Variants in LASP1 observed in about 807,000 individuals in gnomAD.
LASP1 encodes the protein LIM and SH3 domain protein 1.
In LASP1, 10 loss-of-function variants were observed where a neutral mutation model predicts 38.6. The observed-to-expected ratio is 0.26, with a 90% CI of 0.16 to 0.44. LASP1 has a LOEUF of 0.44. LASP1 is among the 20% of genes least tolerant of loss of function. The probability of loss-of-function intolerance (pLI) is 1.00; values close to 1 mark genes in which losing one functional copy is unlikely to be tolerated. For missense variants in LASP1, 243 were observed against 375.7 expected, an observed-to-expected ratio of 0.65 and a Z score of 2.92; for synonymous variants, 132 against 140.8, an observed-to-expected ratio of 0.94 and a Z score of 0.44.
At chr17:38,882,615 G>T (rs1484006594) in intron 2 of LASP1, among the ~76,000 whole-genome samples, 3 of 152,216 alleles carry the variant, frequency 2.0e-5, no homozygotes, top group Non-Finnish European at 4.4e-5. Context: ...ATTTAAGAGA[G>T]ATATTTATGC....
At chr17:38,907,204 C>T (rs1914797678) in intron 4 of LASP1, among the ~76,000 whole-genome samples, 1 of 152,150 alleles carries the variant, frequency 6.6e-6, no homozygotes, top group African/African-American at 2.4e-5. Context: ...TCCAAGTGGG[C>T]CCAGGCTGGA....
At position 38,918,682 on chromosome 17, in the gene LASP1, C is replaced by A. The variant is rs1457239799; in HGVS notation, c.690C>A (p.Val230=). The A allele has an allele frequency of 6.2e-7, 1 of 1,613,784 alleles. No homozygotes were observed. Among genetic ancestry groups the A allele is most frequent in the Non-Finnish European group, 8.5e-7 (1 of 1,179,874 alleles). ...EVSFQDGDTI[V]NVQQIDDGWM... is the part of the protein sequence containing the mutation. ...CCTTCCAGGACGGGGACACCATCGT[C>A]AACGTGCAGCAGATCGACGACGGCT... The change falls in exon 7 of 7, where the codon GTC becomes GTA. Residue 230 remains valine (V), a synonymous_variant. Coordinates refer to ENST00000318008, the MANE Select transcript of LASP1 (RefSeq NM_006148.4). This position sits in a 1 kb window ranked among gnomAD's most constrained non-coding sequence, Gnocchi z 4.4.
intron 2 of LASP1, among the ~76,000 whole-genome samples, chr17:38,887,879 C>T (rs1427986961): frequency 6.6e-6 from 1 of 152,184 alleles, no homozygotes; most frequent in Non-Finnish European, 1.5e-5. Context: ...ATGTGGGCGG[C>T]AGGAGAACAT....
At chr17:38,891,232 G>T (rs1268990031) in intron 3 of LASP1, among the ~76,000 whole-genome samples, 1 of 152,096 alleles carries the variant, frequency 6.6e-6, no homozygotes, top group African/African-American at 2.4e-5. Flanking sequence ...AGCCGATGAA[G>T]GATTAGGCGC....
intron 4 of LASP1, among the ~76,000 whole-genome samples, chr17:38,903,079 A>G (rs1052036874): frequency 6.6e-6 from 1 of 152,212 alleles, no homozygotes; most frequent in East Asian, 1.9e-4. Context: ...TATGCTGCAG[A>G]CTAGGGCTTT....
chr17:38,918,882 C>G lies in LASP1; in HGVS notation c.*104C>G. The stretch of plus-strand genomic sequence containing the variant: ...TGTCTCTGTTTTTTAAAACCTGCGA[C>G]AGCTTGTGATTCCTACCCCTCTTCC... On this transcript the variant is annotated 3_prime_UTR_variant, in exon 7 of 7. Transcript: ENST00000318008. This position sits in a 1 kb window ranked among gnomAD's most constrained non-coding sequence, Gnocchi z 4.4. The G allele has an allele frequency of 1.5e-6, 2 of 1,309,712 alleles. No individual in the cohort carries two copies. Among genetic ancestry groups the G allele is most frequent in the Non-Finnish European group, 2.1e-6 (2 of 950,884 alleles). The allele number at this position is 1,309,712 out of a possible 1,614,324, so 81.1% of individuals were successfully genotyped here.
intron 2 of LASP1, among the ~76,000 whole-genome samples, chr17:38,888,421 C>T (rs1240839388): frequency 6.6e-6 from 1 of 151,872 alleles, no homozygotes. Flanking sequence ...GGGATTACAG[C>T]TATGCGCCAC....
intron 2 of LASP1, among the ~76,000 whole-genome samples, chr17:38,886,285 T>G (rs1396567553): frequency 6.7e-6 from 1 of 150,146 alleles, no homozygotes; most frequent in Non-Finnish European, 1.5e-5. Context: ...TCGCCAGGGC[T>G]GGGGGCTGGG....
chr17:38,918,519 C>T lies in LASP1; in HGVS notation c.613-86C>T. ...GTTCACTGCTCCCCCAGGCTCTGCT[C>T]CAGGGTCGTGGAGAGTTAGAAAAAA... is the stretch of plus-strand genomic sequence containing the variant. On this transcript the variant is annotated intron_variant, in intron 6 of 6. Coordinates refer to ENST00000318008, the MANE Select transcript of LASP1 (RefSeq NM_006148.4). This position sits in a 1 kb window ranked among gnomAD's most constrained non-coding sequence, Gnocchi z 4.4. The T allele has an allele frequency of 1.5e-6, 2 of 1,369,250 alleles. No homozygotes were observed. The highest frequency in any genetic ancestry group is 1.0e-6 in the Non-Finnish European group (1 of 1,003,820). The allele number at this position is 1,369,250 out of a possible 1,614,324, so 84.8% of individuals were successfully genotyped here. A position where few individuals can be genotyped will look rare whatever the true frequency, so the allele number is the denominator to read the frequency against.
chr17:38,878,345 T>C (rs938329989), intron 2 of LASP1, among the ~76,000 whole-genome samples, 165 bp downstream of exon 2: 1 of 152,178 alleles, frequency 6.6e-6, no homozygotes. Context: ...GCAAGCACTT[T>C]TTATCCCCAT....
At chr17:38,917,448 C>T (rs901170039) in intron 6 of LASP1, among the ~76,000 whole-genome samples, 6 of 151,326 alleles carry the variant, frequency 4.0e-5, no homozygotes, top group Non-Finnish European at 8.8e-5. Context: ...TAGTAGGTGG[C>T]GCTGTAGGTT....
intron 4 of LASP1, 130 bp downstream of exon 4, chr17:38,898,649 G>T: frequency 1.4e-6 from 1 of 736,006 alleles, no homozygotes. Flanking sequence ...CCTCCAGGGT[G>T]GGCCTGGGGA....
chr17:38,876,463 C>G (rs1405736240), intron 1 of LASP1, among the ~76,000 whole-genome samples: 6 of 151,968 alleles, frequency 3.9e-5, no homozygotes. Context: ...TGGGTTCAAG[C>G]GATTCTCCTG....
chr17:38,887,178 G>GAGTGCT (rs1914164405), intron 2 of LASP1, among the ~76,000 whole-genome samples: 1 of 152,112 alleles, frequency 6.6e-6, no homozygotes, highest in Non-Finnish European at 1.5e-5. Flanking sequence ...TTGAGTCTTC[G>GAGTGCT]AGTGCTGGGC....
intron 2 of LASP1, among the ~76,000 whole-genome samples, chr17:38,889,688 T>C (rs1914249418): frequency 6.6e-6 from 1 of 152,216 alleles, no homozygotes; most frequent in Non-Finnish European, 1.5e-5. Context: ...CCAAGATGTC[T>C]CAGTATGGAT....
At chr17:38,914,827 T>C (rs1268862561) in intron 5 of LASP1, among the ~76,000 whole-genome samples, 1 of 151,788 alleles carries the variant, frequency 6.6e-6, no homozygotes, top group Non-Finnish European at 1.5e-5. Flanking sequence ...GCCAAGAGGA[T>C]TGAAAGGAGA....
intron 2 of LASP1, among the ~76,000 whole-genome samples, chr17:38,887,183 C>T (rs191440716): frequency 6.6e-6 from 1 of 152,314 alleles, no homozygotes; most frequent in Admixed American, 6.5e-5. Context: ...TCTTCGAGTG[C>T]TGGGCCAGAG....
intron 3 of LASP1, among the ~76,000 whole-genome samples, chr17:38,895,830 C>T (rs1036365770): frequency 2.6e-5 from 4 of 152,182 alleles, no homozygotes; most frequent in Admixed American, 1.3e-4. Context: ...TAGAGTTTCA[C>T]GGATGGTGGT....
At chr17:38,878,795 C>A (rs1424745577) in intron 2 of LASP1, among the ~76,000 whole-genome samples, 2 of 152,256 alleles carry the variant, frequency 1.3e-5, no homozygotes, top group Non-Finnish European at 2.9e-5. Flanking sequence ...CCAGATAGAT[C>A]TCTTCCCTGC....
Sources: gnomAD v4.1 joint callset for allele counts (sites outside exome capture counted in the v4.1 genomes callset) on GRCh38, gnomAD v4.1.1 for gene constraint, Gnocchi (gnomAD v3.1) non-coding constraint, MANE v1.5 for transcripts, NCBI Gene and HGNC (gene_info 2026-07-23, HGNC 2026-07-21) for gene names.